ACYP2: variants seen among roughly 807,000 people sequenced by gnomAD.
ACYP2 encodes acylphosphatase 2.
Under a neutral mutation model 11.2 loss-of-function variants are expected in ACYP2, and 12 were observed. The observed-to-expected ratio is 1.08, with a 90% confidence interval of 0.69 to 1.74. ACYP2 has a LOEUF of 1.74. Ranked by LOEUF, ACYP2 falls within the 40% of genes most tolerant of loss-of-function variation. The pLI is 0.00. For missense variants in ACYP2, 134 were observed against 101.9 expected (o/e 1.31, Z -1.35); for synonymous variants, 43 against 32.2 (o/e 1.33, Z -1.13).
chr2:54,166,823 A>T (rs947950900), intron 6 of ACYP2: 1 of 152,016 alleles, frequency 6.6e-6, no homozygotes, highest in Non-Finnish European at 1.5e-5. Context: ...TTGCCACCCC[A>T]GTTCGCTGGC....
chr2:54,093,473 T>G (rs555670700), intron 4 of ACYP2, among the ~76,000 whole-genome samples: 1 of 152,340 alleles, frequency 6.6e-6, no homozygotes, highest in African/African-American at 2.4e-5. Flanking sequence ...ACAAGACTTT[T>G]GGAAACAACT....
intron 2 of ACYP2, among the ~76,000 whole-genome samples, chr2:54,019,959 T>C (rs974631340): frequency 6.6e-6 from 1 of 151,978 alleles, no homozygotes; most frequent in African/African-American, 2.4e-5. Flanking sequence ...TTGTTTGTTT[T>C]TGAGACGGAA....
At chr2:53,979,131 T>G (rs1671630473) in intron 2 of ACYP2, among the ~76,000 whole-genome samples, 1 of 152,020 alleles carries the variant, frequency 6.6e-6, no homozygotes, top group Non-Finnish European at 1.5e-5. Flanking sequence ...GGCATTATTA[T>G]TATAGAAGAT....
chr2:54,102,379 G>T (rs983997946), intron 4 of ACYP2, among the ~76,000 whole-genome samples: 3 of 152,134 alleles, frequency 2.0e-5, no homozygotes, highest in African/African-American at 7.2e-5. Flanking sequence ...ATTGCCTCAT[G>T]CATCTGGGTG....
intron 6 of ACYP2, among the ~76,000 whole-genome samples, chr2:54,272,281 G>A (rs1192055782): frequency 1.3e-5 from 2 of 152,192 alleles, no homozygotes; most frequent in Non-Finnish European, 2.9e-5. Flanking sequence ...ATGAAAGGCT[G>A]TGAGTCTGTG....
intron 2 of ACYP2, among the ~76,000 whole-genome samples, chr2:54,026,711 G>A (rs61129149): frequency 6.6e-6 from 1 of 152,170 alleles, no homozygotes. Context: ...CTATACCATA[G>A]AATTCTACTC....
intron 6 of ACYP2, among the ~76,000 whole-genome samples, chr2:54,210,468 C>T (rs1429807326): frequency 1.3e-5 from 2 of 151,912 alleles, no homozygotes; most frequent in Non-Finnish European, 2.9e-5. Context: ...TTCAAATGAG[C>T]GGTGTTATAA....
intron 6 of ACYP2, among the ~76,000 whole-genome samples, chr2:54,200,722 A>G (rs1684718175): frequency 6.6e-6 from 1 of 152,170 alleles, no homozygotes; most frequent in Non-Finnish European, 1.5e-5. Flanking sequence ...AACATTCATG[A>G]ACATACTTTT....
chr2:54,162,690 G>A (rs1238181670), intron 6 of ACYP2, among the ~76,000 whole-genome samples: 3 of 152,140 alleles, frequency 2.0e-5, no homozygotes, highest in Non-Finnish European at 4.4e-5. Context: ...TACAGGCCAG[G>A]CATGGTGGCT....
intron 6 of ACYP2, among the ~76,000 whole-genome samples, chr2:54,179,069 A>G (rs550320221): frequency 6.6e-5 from 10 of 152,106 alleles, no homozygotes; most frequent in Non-Finnish European, 1.5e-4. Context: ...GTGTCCTCAC[A>G]TGGTGCAAAG....
intron 6 of ACYP2, among the ~76,000 whole-genome samples, chr2:54,245,564 G>A (rs1275840766): frequency 1.3e-5 from 2 of 151,848 alleles, no homozygotes. Flanking sequence ...TCCTAACTGG[G>A]GTAAGATGAT....
At chr2:54,062,176 G>A (rs1323228494) in intron 4 of ACYP2, among the ~76,000 whole-genome samples, 2 of 152,100 alleles carry the variant, frequency 1.3e-5, no homozygotes, top group Non-Finnish European at 1.5e-5. Context: ...GTAACATCTG[G>A]GGGTTACAGA....
intron 6 of ACYP2, chr2:54,256,106 C>A (rs1348229649): frequency 3.1e-6 from 5 of 1,613,998 alleles, no homozygotes; most frequent in African/African-American, 1.3e-5. Flanking sequence ...TCTTCCAGAG[C>A]ATAGTCGAGA....
intron 2 of ACYP2, among the ~76,000 whole-genome samples, chr2:54,046,872 T>C (rs1675554902): frequency 6.6e-6 from 1 of 152,140 alleles, no homozygotes. Context: ...AACATCTGAG[T>C]CTGAGAGAGC....
chr2:54,068,487 A>C (rs1032599955), intron 4 of ACYP2, among the ~76,000 whole-genome samples: 15 of 152,174 alleles, frequency 9.9e-5, no homozygotes, highest in African/African-American at 3.4e-4. Context: ...TGGGATGGCC[A>C]TTGCTTTCGA....
Position 53,995,469 on chromosome 2 carries a change from TTTTA to T in ACYP2, c.62+21675_62+21678del, listed in dbSNP as rs1553350324. On this transcript the variant is annotated intron_variant, in intron 2 of 6. Coordinates refer to ENST00000607452, the MANE Select transcript of ACYP2 (RefSeq NM_001320586.2). ...ACACAATTAATTCAATGCTATTATTTTTTATTTATTTATTTATTTTTTATTTATT... is the reference window on the plus strand; with the variant it reads ...ACACAATTAATTCAATGCTATTATTTTTTATTTATTTATTTTTTATTTATT... Among the ~76,000 whole-genome samples the T allele has an allele frequency of 7.7e-3, 1,122 of 146,132 alleles. 26 individuals carry two copies. The highest frequency in any genetic ancestry group is 0.027 in the African/African-American group (1,058 of 39,698).
chr2:54,280,410 C>T (rs1688797007), intron 6 of ACYP2, among the ~76,000 whole-genome samples: 2 of 151,926 alleles, frequency 1.3e-5, no homozygotes, highest in South Asian at 4.2e-4. Context: ...AGGATACAAG[C>T]GGGGAGGTTC....
At chr2:54,141,855 G>T in intron 6 of ACYP2, 1 of 588,062 alleles carries the variant, frequency 1.7e-6, no homozygotes, top group African/African-American at 1.8e-5. Context: ...TTTATTTTTT[G>T]AGACAAGGGT....
At chr2:54,282,741 T>G (rs1364874993) in intron 6 of ACYP2, among the ~76,000 whole-genome samples, 1 of 152,206 alleles carries the variant, frequency 6.6e-6, no homozygotes, top group African/African-American at 2.4e-5. Flanking sequence ...TGGAAGTTTT[T>G]TTTTTCTTAA....
Sources: allele counts gnomAD v4.1 joint callset (sites outside exome capture counted in the v4.1 genomes callset), GRCh38; gene constraint gnomAD v4.1.1; transcripts MANE v1.5; gene names NCBI Gene and HGNC (gene_info 2026-07-23, HGNC 2026-07-21).